VAV3: variants seen among roughly 807,000 people sequenced by gnomAD.
VAV3 encodes guanine nucleotide exchange factor VAV3.
VAV3 carries 94 observed loss-of-function variants against 131.2 expected under a neutral mutation model. The observed-to-expected ratio is 0.72, with a 90% CI of 0.61 to 0.85. VAV3 has a LOEUF of 0.85. VAV3 is among the 40% of genes least tolerant of loss of function. The probability of loss-of-function intolerance (pLI) is 0.00; values close to 1 mark genes in which losing one functional copy is unlikely to be tolerated. For missense variants in VAV3, 939 were observed against 1,002.7 expected, an observed-to-expected ratio of 0.94 and a Z score of 0.86; for synonymous variants, 349 against 342.0, an observed-to-expected ratio of 1.02 and a Z score of -0.22.
At chr1:107,801,070 AACC>A (rs376856930) in intron 2 of VAV3, among the ~76,000 whole-genome samples, 29 of 152,200 alleles carry the variant, frequency 1.9e-4, no homozygotes, top group African/African-American at 7.0e-4. Context: ...TTATTAAAGA[AACC>A]ACCTTTTGCC....
intron 17 of VAV3, among the ~76,000 whole-genome samples, chr1:107,691,870 C>A (rs1659447085): frequency 6.6e-6 from 1 of 152,060 alleles, no homozygotes; most frequent in South Asian, 2.1e-4. Context: ...ATTATTGGTG[C>A]AAGAGAAACA....
chr1:107,647,555 G>A (rs939672952), intron 19 of VAV3, among the ~76,000 whole-genome samples: 4 of 151,878 alleles, frequency 2.6e-5, no homozygotes, highest in East Asian at 1.9e-4. Flanking sequence ...TCCATCCAGA[G>A]GGAACTTTAA....
chr1:107,918,705 A>ATATATATATT (rs1274987055), intron 1 of VAV3, among the ~76,000 whole-genome samples: 1 of 76,996 alleles, frequency 1.3e-5, no homozygotes, highest in Non-Finnish European at 2.8e-5. Context: ...ATATATATAT[A>ATATATATATT]TTTTTTTTTT....
At chr1:107,772,250 T>C (rs1036636713) in intron 5 of VAV3, among the ~76,000 whole-genome samples, 3 of 152,150 alleles carry the variant, frequency 2.0e-5, no homozygotes, top group Admixed American at 2.0e-4. Flanking sequence ...AAACTAAATT[T>C]ATAAATGAGT....
At chr1:107,786,403 T>C (rs913712260) in intron 2 of VAV3, among the ~76,000 whole-genome samples, 3 of 152,178 alleles carry the variant, frequency 2.0e-5, no homozygotes, top group Non-Finnish European at 2.9e-5. Context: ...CTCCATCTCT[T>C]ACTAGCAAGG....
intron 19 of VAV3, among the ~76,000 whole-genome samples, chr1:107,660,109 C>A (rs1656897863): frequency 6.6e-6 from 1 of 152,284 alleles, no homozygotes; most frequent in South Asian, 2.1e-4. Flanking sequence ...AATTTACTCA[C>A]TTCTTTCCCC....
intron 9 of VAV3, among the ~76,000 whole-genome samples, chr1:107,761,511 A>G (rs895000167): frequency 6.6e-6 from 1 of 151,996 alleles, no homozygotes; most frequent in Non-Finnish European, 1.5e-5. Flanking sequence ...AATTTCCCCC[A>G]GTGGACTTAT....
At chr1:107,576,468 A>G in intron 25 of VAV3, 1 of 1,507,444 alleles carries the variant, frequency 6.6e-7, no homozygotes, top group Non-Finnish European at 8.8e-7. Flanking sequence ...CACAGAACAA[A>G]GAGGGGGCTT....
At chr1:107,729,169 C>T (rs1662062117) in intron 15 of VAV3, among the ~76,000 whole-genome samples, 1 of 152,092 alleles carries the variant, frequency 6.6e-6, no homozygotes, top group African/African-American at 2.4e-5. Flanking sequence ...TTTTAAAATG[C>T]ACTGACAGCA....
chr1:107,576,391 C>A (rs1570544725), intron 25 of VAV3: 2 of 1,509,814 alleles, frequency 1.3e-6, no homozygotes, highest in East Asian at 2.5e-5. Context: ...TAAAGCAGTA[C>A]CTGACCAGAA....
chr1:107,652,503 C>T (rs1355549358), intron 19 of VAV3, among the ~76,000 whole-genome samples: 2 of 152,144 alleles, frequency 1.3e-5, no homozygotes, highest in African/African-American at 4.8e-5. Flanking sequence ...CAAGAACTCT[C>T]TCTTGGGGTC....
intron 20 of VAV3, among the ~76,000 whole-genome samples, chr1:107,622,568 G>A (rs149751309): frequency 6.6e-6 from 1 of 152,142 alleles, no homozygotes; most frequent in Non-Finnish European, 1.5e-5. Context: ...TGCACTCCTG[G>A]AATAGCACTG....
intron 2 of VAV3, among the ~76,000 whole-genome samples, chr1:107,867,311 G>A (rs1211488291): frequency 6.6e-6 from 1 of 152,162 alleles, no homozygotes; most frequent in African/African-American, 2.4e-5. Context: ...CTAAAAACTG[G>A]ACTTGAATAA....
intron 19 of VAV3, among the ~76,000 whole-genome samples, chr1:107,658,970 A>T (rs529140505): frequency 6.6e-6 from 1 of 152,012 alleles, no homozygotes; most frequent in Non-Finnish European, 1.5e-5. Context: ...CCCATTTGTC[A>T]ATTTTGGCTT....
At chr1:107,916,526 A>T (rs547616064) in intron 1 of VAV3, among the ~76,000 whole-genome samples, 1 of 152,380 alleles carries the variant, frequency 6.6e-6, no homozygotes, top group South Asian at 2.1e-4. Context: ...ATAAGACATT[A>T]AAGGAAATAT....
chr1:107,779,180 A>G (rs1013650984), intron 3 of VAV3, among the ~76,000 whole-genome samples: 4 of 152,020 alleles, frequency 2.6e-5, no homozygotes, highest in Non-Finnish European at 1.5e-5. Context: ...AAAAAAAAAA[A>G]AAAGAAGAAC....
At chr1:107,672,271 A>T (rs1382613178) in intron 19 of VAV3, 1 of 123,484 alleles carries the variant, frequency 8.1e-6, no homozygotes, top group African/African-American at 4.1e-5. Context: ...TCTGTCTCAA[A>T]AAAAAAAAAA....
intron 1 of VAV3, among the ~76,000 whole-genome samples, chr1:107,937,944 A>G (rs879574844): frequency 6.6e-6 from 1 of 152,178 alleles, no homozygotes; most frequent in Non-Finnish European, 1.5e-5. Flanking sequence ...TAGGCCAGCA[A>G]CCCTCAACTC....
intron 1 of VAV3, among the ~76,000 whole-genome samples, chr1:107,943,321 T>C (rs1413905718): frequency 6.6e-6 from 1 of 152,174 alleles, no homozygotes; most frequent in East Asian, 1.9e-4. Flanking sequence ...AGGTGGCCTA[T>C]TAAGATTTGT....
Sources: gnomAD v4.1 joint callset for allele counts (sites outside exome capture counted in the v4.1 genomes callset) on GRCh38, gnomAD v4.1.1 for gene constraint, MANE v1.5 for transcripts, NCBI Gene and HGNC (gene_info 2026-07-23, HGNC 2026-07-21) for gene names.